MDGA2: variants seen among roughly 807,000 people sequenced by gnomAD.
MDGA2 encodes MAM domain-containing glycosylphosphatidylinositol anchor protein 2.
MDGA2 carries 40 observed loss-of-function variants against 117.8 expected under a neutral mutation model. The ratio of observed to expected loss-of-function variants is 0.34; its 90% CI spans 0.26 to 0.44. The LOEUF (loss-of-function observed/expected upper bound fraction) is 0.44. Among genes scored for constraint, MDGA2 ranks in the 20% least tolerant of loss-of-function variants. MDGA2 has a pLI of 1.00. For synonymous variants in MDGA2, 452 were observed against 439.0 expected, an observed-to-expected ratio of 1.03 and a Z score of -0.37; for missense variants, 1,123 against 1,250.6, an observed-to-expected ratio of 0.90 and a Z score of 1.54.
chr14:47,568,545 C>G (rs2138815671), intron 1 of MDGA2, among the ~76,000 whole-genome samples: 1 of 152,260 alleles, frequency 6.6e-6, no homozygotes, highest in Non-Finnish European at 1.5e-5. Context: ...CACTTAAAGT[C>G]TGTTTAACTG....
chr14:47,079,104 A>T (rs529910174), intron 6 of MDGA2, among the ~76,000 whole-genome samples: 40 of 152,162 alleles, frequency 2.6e-4, no homozygotes, highest in Non-Finnish European at 4.7e-4. Flanking sequence ...AACTCTCTGA[A>T]CATCAACAGT....
At chr14:47,296,130 AAG>A (rs952334290) in intron 2 of MDGA2, among the ~76,000 whole-genome samples, 6 of 152,190 alleles carry the variant, frequency 3.9e-5, no homozygotes, top group African/African-American at 1.4e-4. Context: ...GCAAGAGGGA[AAG>A]AGAGAGAAGA....
intron 15 of MDGA2, among the ~76,000 whole-genome samples, chr14:46,850,762 T>C (rs1208893935): frequency 6.6e-6 from 1 of 151,910 alleles, no homozygotes; most frequent in Non-Finnish European, 1.5e-5. Context: ...AACAATACTC[T>C]GCCAGTTCAT....
At chr14:46,969,775 G>A (rs1886183443) in intron 8 of MDGA2, among the ~76,000 whole-genome samples, 1 of 151,584 alleles carries the variant, frequency 6.6e-6, no homozygotes, top group Non-Finnish European at 1.5e-5. Context: ...CACACACCGG[G>A]GCCCGTTGTG....
intron 7 of MDGA2, among the ~76,000 whole-genome samples, chr14:47,052,599 T>C (rs1889497222): frequency 6.6e-6 from 1 of 151,946 alleles, no homozygotes; most frequent in African/African-American, 2.4e-5. Flanking sequence ...CTCTCCATTT[T>C]TATATTTATG....
intron 10 of MDGA2, among the ~76,000 whole-genome samples, chr14:46,918,956 G>A (rs1249612830): frequency 5.3e-5 from 8 of 151,890 alleles, no homozygotes. Flanking sequence ...TAGAGACGGG[G>A]TTTCACCGTG....
At chr14:47,025,413 ATTCTGCCTATAGATTTG>A (rs2138605077) in intron 8 of MDGA2, among the ~76,000 whole-genome samples, 1 of 152,242 alleles carries the variant, frequency 6.6e-6, no homozygotes, top group South Asian at 2.1e-4. Context: ...GACCCTGGAA[ATTCTGCCTATAGATTTG>A]TTACAACAGA....
chr14:47,075,229 T>C (rs1362367593), intron 6 of MDGA2, among the ~76,000 whole-genome samples: 1 of 152,186 alleles, frequency 6.6e-6, no homozygotes, highest in African/African-American at 2.4e-5. Flanking sequence ...CTATTCTTTG[T>C]CTATAAGAAA....
intron 9 of MDGA2, among the ~76,000 whole-genome samples, chr14:46,930,567 C>A (rs950573736): frequency 6.6e-6 from 1 of 151,970 alleles, no homozygotes; most frequent in Admixed American, 6.6e-5. Flanking sequence ...TATATAAGAC[C>A]GGTTTAATGA....
intron 9 of MDGA2, among the ~76,000 whole-genome samples, chr14:46,934,834 C>T (rs1029201584): frequency 2.0e-5 from 3 of 152,052 alleles, no homozygotes; most frequent in Non-Finnish European, 2.9e-5. Context: ...CGGTGTATGT[C>T]AATTGTCATT....
chr14:47,168,418 G>A (rs1883980049), intron 3 of MDGA2, among the ~76,000 whole-genome samples: 1 of 151,072 alleles, frequency 6.6e-6, no homozygotes, highest in African/African-American at 2.4e-5. Flanking sequence ...CATAATTTGA[G>A]TAAAATGCTG....
chr14:47,485,678 G>A (rs1357780985), intron 1 of MDGA2, among the ~76,000 whole-genome samples: 1 of 152,128 alleles, frequency 6.6e-6, no homozygotes, highest in East Asian at 1.9e-4. Flanking sequence ...CAGGGTCCCT[G>A]TGTGCAACCT....
chr14:47,456,193 A>C (rs1051212305), intron 1 of MDGA2, among the ~76,000 whole-genome samples: 3 of 152,118 alleles, frequency 2.0e-5, no homozygotes, highest in African/African-American at 7.2e-5. Flanking sequence ...TAGGGGATAT[A>C]ATATTTTAGA....
Position 47,297,690 on chromosome 14 carries a change from G to T in MDGA2, c.420+3721C>A, listed in dbSNP as rs113687046. 9.8e-4 allele frequency among the ~76,000 whole-genome samples: 149 copies of T among 152,230 alleles called. 1 individual carries two copies. Among genetic ancestry groups the T allele is most frequent in the African/African-American group, 3.5e-3 (146 of 41,534 alleles). On this transcript the variant is annotated intron_variant, in intron 2 of 16. Coordinates refer to ENST00000399232, the MANE Select transcript of MDGA2 (RefSeq NM_001113498.3). ...TAATAAACCCTCATTAAACGAGGTAGTCTGAACATAGTTCTATTCCTTGCA... is the reference window on the plus strand; with the variant it reads ...TAATAAACCCTCATTAAACGAGGTATTCTGAACATAGTTCTATTCCTTGCA...
At chr14:47,362,753 A>G (rs1370968987) in intron 1 of MDGA2, among the ~76,000 whole-genome samples, 1 of 152,156 alleles carries the variant, frequency 6.6e-6, no homozygotes, top group East Asian at 1.9e-4. Flanking sequence ...GCTTGCTATT[A>G]CTACACTCAA....
At chr14:47,084,813 T>C (rs1890839301) in intron 6 of MDGA2, among the ~76,000 whole-genome samples, 1 of 152,106 alleles carries the variant, frequency 6.6e-6, no homozygotes, top group Non-Finnish European at 1.5e-5. Context: ...AAGTGTGTCC[T>C]CACTAGAATC....
In MDGA2 at chr14:46,911,256, G is replaced by C. The variant is rs555355929; in HGVS notation, c.2238+8756C>G. Among the ~76,000 whole-genome samples the C allele has an allele frequency of 1.8e-3, 274 of 152,248 alleles. 1 individual carries two copies. Among genetic ancestry groups the C allele is most frequent in the African/African-American group, 6.3e-3 (261 of 41,530 alleles). On this transcript the variant is annotated intron_variant, in intron 10 of 16. Transcript: ENST00000399232. Reference sequence around the variant, plus strand: ...TTTTTACAAATGGTTTCCAAAACTTGAAGTCTGATAAAGCAATTTAAACAT... The same window carrying C: ...TTTTTACAAATGGTTTCCAAAACTTCAAGTCTGATAAAGCAATTTAAACAT...
At chr14:47,649,273 A>C (rs1464098670) in intron 1 of MDGA2, among the ~76,000 whole-genome samples, 1 of 152,194 alleles carries the variant, frequency 6.6e-6, no homozygotes, top group African/African-American at 2.4e-5. Flanking sequence ...ACTGCTTAAA[A>C]GTTTATCTAT....
chr14:47,606,540 C>T (rs1192934109), intron 1 of MDGA2, among the ~76,000 whole-genome samples: 1 of 151,930 alleles, frequency 6.6e-6, no homozygotes, highest in Admixed American at 6.6e-5. Context: ...TAATTGAGAC[C>T]TGACTGTGTG....
Sources: allele counts gnomAD v4.1 joint callset (sites outside exome capture counted in the v4.1 genomes callset), GRCh38; gene constraint gnomAD v4.1.1; transcripts MANE v1.5; gene names NCBI Gene and HGNC (gene_info 2026-07-23, HGNC 2026-07-21).